PTPRT: variants seen among roughly 807,000 people sequenced by gnomAD.
PTPRT encodes the protein receptor-type tyrosine-protein phosphatase T.
In PTPRT, 56 loss-of-function variants were observed where a neutral mutation model predicts 176.8. That is an observed-to-expected ratio of 0.32 (90% confidence interval 0.26 to 0.40). The LOEUF (loss-of-function observed/expected upper bound fraction) is 0.40, where lower values mean the gene tolerates loss of function less well. PTPRT is among the 10% of genes least tolerant of loss of function. PTPRT has a pLI of 1.00. For missense variants in PTPRT, 1,540 were observed against 1,908.2 expected (o/e 0.81, Z 3.60); for synonymous variants, 783 against 739.0 (o/e 1.06, Z -0.96).
At chr20:42,897,901 G>T (rs1818022338) in intron 1 of PTPRT, among the ~76,000 whole-genome samples, 1 of 152,182 alleles carries the variant, frequency 6.6e-6, no homozygotes, top group Non-Finnish European at 1.5e-5. Context: ...GTGCCAAGTT[G>T]TGTGTTAAAT....
intron 6 of PTPRT, among the ~76,000 whole-genome samples, chr20:42,696,462 T>A (rs941841063): frequency 2.9e-4 from 43 of 150,568 alleles, no homozygotes; most frequent in African/African-American, 9.5e-4. Context: ...TGAATTATTT[T>A]TTTTTTTTTT....
intron 7 of PTPRT, among the ~76,000 whole-genome samples, chr20:42,509,708 G>T (rs942372924): frequency 6.6e-5 from 10 of 151,796 alleles, no homozygotes; most frequent in Non-Finnish European, 8.8e-5. Flanking sequence ...TTATATTGTT[G>T]AAGGCAAATC....
chr20:42,360,708 C>T (rs759350205), intron 9 of PTPRT, among the ~76,000 whole-genome samples: 2 of 152,180 alleles, frequency 1.3e-5, no homozygotes, highest in Non-Finnish European at 2.9e-5. Flanking sequence ...GGTTAAGTTG[C>T]TAAGTTGCAT....
rs182706487 is a variant in PTPRT, at chr20:42,939,481, C to T, written c.89-53549G>A. Among the ~76,000 whole-genome samples the T allele has an allele frequency of 6.6e-5, 10 of 152,310 alleles. No individual in the cohort carries two copies. The East Asian group carries it at 1.9e-3, about 29-fold the overall frequency. Reference sequence around the variant, plus strand: ...TTTCCTTTCCTTCTTGAGGGCAAGGCCTATCTTGTTACTCTCTGTACCCAC... The same window carrying T: ...TTTCCTTTCCTTCTTGAGGGCAAGGTCTATCTTGTTACTCTCTGTACCCAC... On this transcript the variant is annotated intron_variant, in intron 1 of 30. Transcript: ENST00000373187.
chr20:42,226,017 G>A (rs538555657), intron 15 of PTPRT, among the ~76,000 whole-genome samples: 7 of 152,204 alleles, frequency 4.6e-5, no homozygotes, highest in South Asian at 2.1e-4. Flanking sequence ...TACTGGGCCC[G>A]TTAACCCATG....
intron 1 of PTPRT, among the ~76,000 whole-genome samples, chr20:43,034,176 C>T (rs983357280): frequency 6.6e-6 from 1 of 152,176 alleles, no homozygotes; most frequent in African/African-American, 2.4e-5. Flanking sequence ...AAGGAAGTCC[C>T]AGATGGGGGT....
At chr20:43,039,464 G>C (rs1443585325) in intron 1 of PTPRT, among the ~76,000 whole-genome samples, 1 of 151,666 alleles carries the variant, frequency 6.6e-6, no homozygotes, top group Non-Finnish European at 1.5e-5. Flanking sequence ...AGAAGGGAGG[G>C]AAGGAAAGAA....
chr20:42,420,702 C>G (rs889478297), intron 9 of PTPRT, among the ~76,000 whole-genome samples: 6 of 152,182 alleles, frequency 3.9e-5, no homozygotes, highest in Non-Finnish European at 5.9e-5. Flanking sequence ...CTGTCTTCGT[C>G]TGTCCCCAGA....
chr20:42,715,190 A>G (rs1218430589), intron 6 of PTPRT, among the ~76,000 whole-genome samples: 1 of 152,224 alleles, frequency 6.6e-6, no homozygotes, highest in Non-Finnish European at 1.5e-5. Context: ...ACTGCTTACC[A>G]GGATAAAATT....
intron 3 of PTPRT, among the ~76,000 whole-genome samples, chr20:42,787,316 G>A (rs1187685991): frequency 6.6e-6 from 1 of 152,180 alleles, no homozygotes; most frequent in Non-Finnish European, 1.5e-5. Context: ...GGTTGTCCCA[G>A]CAAACTGAGA....
At chr20:42,623,682 G>T (rs2074239460) in intron 7 of PTPRT, among the ~76,000 whole-genome samples, 1 of 152,006 alleles carries the variant, frequency 6.6e-6, no homozygotes. Context: ...AGAAACTCTG[G>T]CATATTCACT....
chr20:42,809,464 C>T (rs927850314), intron 2 of PTPRT, among the ~76,000 whole-genome samples: 1 of 152,080 alleles, frequency 6.6e-6, no homozygotes, highest in African/African-American at 2.4e-5. Flanking sequence ...TGGCTTGGAG[C>T]CCTTTCCAGC....
At position 42,073,498 on chromosome 20, in the gene PTPRT, A is replaced by T. The variant is rs1333434684; in HGVS notation, c.*7381T>A. 1 of 208,512 alleles carries T rather than the reference A, an allele frequency of 4.8e-6. No homozygotes were observed. Among genetic ancestry groups the T allele is most frequent in the Non-Finnish European group, 9.8e-6 (1 of 102,144 alleles). 12.9% of individuals were successfully genotyped at this position (208,512 alleles called of 1,614,324 possible). The stretch of plus-strand genomic sequence containing the variant: ...ACCTCTGGAGATAATGTGTATGGTA[A>T]GAAAAGCCCTGCTCTGTGTCCTACT... On this transcript the variant is annotated 3_prime_UTR_variant, in exon 31 of 31. Transcript: ENST00000373187.
At chr20:42,881,907 G>T (rs1285257638) in intron 2 of PTPRT, among the ~76,000 whole-genome samples, 1 of 152,122 alleles carries the variant, frequency 6.6e-6, no homozygotes, top group Non-Finnish European at 1.5e-5. Flanking sequence ...CCAGGTATGA[G>T]AGAGGAGAAG....
intron 1 of PTPRT, among the ~76,000 whole-genome samples, chr20:43,111,530 C>G (rs55881093): frequency 0.11 from 13,110 of 124,616 alleles, 833 homozygotes; most frequent in East Asian, 0.26. Context: ...GGGGACAGAG[C>G]GAGACTCCGT....
At chr20:42,716,937 C>CA (rs1312733575) in intron 6 of PTPRT, among the ~76,000 whole-genome samples, 1 of 145,904 alleles carries the variant, frequency 6.9e-6, no homozygotes, top group African/African-American at 2.5e-5. Context: ...ATCATAAGGA[C>CA]AAAAAACCAA....
chr20:42,937,088 G>A (rs1980234676), intron 1 of PTPRT, among the ~76,000 whole-genome samples: 1 of 152,130 alleles, frequency 6.6e-6, no homozygotes, highest in Non-Finnish European at 1.5e-5. Context: ...GGGAATCTCG[G>A]CTTTACACGT....
At chr20:42,166,518 AT>A (rs903942451) in intron 16 of PTPRT, among the ~76,000 whole-genome samples, 18 of 152,142 alleles carry the variant, frequency 1.2e-4, no homozygotes, top group Middle Eastern at 3.4e-3. Context: ...ACTCTCAACT[AT>A]TTTTTTTAAC....
intron 7 of PTPRT, among the ~76,000 whole-genome samples, chr20:42,554,759 G>C (rs1363046671): frequency 6.6e-6 from 1 of 152,022 alleles, no homozygotes; most frequent in Non-Finnish European, 1.5e-5. Flanking sequence ...GACTTAAGCT[G>C]GTCAAATTTG....
Sources: allele counts gnomAD v4.1 joint callset (sites outside exome capture counted in the v4.1 genomes callset), GRCh38; gene constraint gnomAD v4.1.1; transcripts MANE v1.5; gene names NCBI Gene and HGNC (gene_info 2026-07-23, HGNC 2026-07-21).